The following PKN2 variants were observed in gnomAD, a reference collection of about 807,000 sequenced individuals.
PKN2 encodes the protein serine/threonine-protein kinase N2.
PKN2 carries 38 observed loss-of-function variants against 119.1 expected under a neutral mutation model. That is an observed-to-expected ratio of 0.32 (90% CI 0.25 to 0.42). The LOEUF is 0.42. Among genes scored for constraint, PKN2 ranks in the 10% least tolerant of loss-of-function variants. The pLI is 1.00. For synonymous variants in PKN2, 390 were observed against 384.9 expected (o/e 1.01, Z -0.15); for missense variants, 850 against 1,165.1 (o/e 0.73, Z 3.94).
intron 8 of PKN2, among the ~76,000 whole-genome samples, chr1:88,787,870 C>G (rs1670646873): frequency 1.3e-5 from 2 of 152,296 alleles, no homozygotes; most frequent in Admixed American, 6.5e-5. Flanking sequence ...TTGGCAGAAA[C>G]CACATTCCCT....
intron 8 of PKN2, among the ~76,000 whole-genome samples, chr1:88,800,649 C>T (rs966396005): frequency 4.6e-5 from 7 of 152,182 alleles, no homozygotes; most frequent in African/African-American, 1.7e-4. Context: ...CCCAGGGCTC[C>T]TCAGTGAACA....
chr1:88,763,234 A>G (rs1368870819), intron 3 of PKN2, among the ~76,000 whole-genome samples: 4 of 152,224 alleles, frequency 2.6e-5, no homozygotes, highest in Admixed American at 2.6e-4. Flanking sequence ...TGATTACCTT[A>G]AAAGATAGAT....
intron 1 of PKN2, among the ~76,000 whole-genome samples, chr1:88,737,220 G>T (rs971072520): frequency 1.3e-5 from 2 of 152,190 alleles, no homozygotes; most frequent in African/African-American, 4.8e-5. Flanking sequence ...TGCTGCTGAG[G>T]TTTATTTGTG....
chr1:88,686,718 T>A (rs534478574), intron 1 of PKN2, among the ~76,000 whole-genome samples: 1 of 152,230 alleles, frequency 6.6e-6, no homozygotes, highest in Admixed American at 6.5e-5. Context: ...AGATAAATAG[T>A]CATAAAGTTT....
At chr1:88,748,628 CAT>C (rs1176437718) in intron 2 of PKN2, among the ~76,000 whole-genome samples, 1 of 152,118 alleles carries the variant, frequency 6.6e-6, no homozygotes, top group Admixed American at 6.6e-5. Context: ...CATGTGGTAA[CAT>C]ATGTTTAACA....
At chr1:88,736,435 C>T (rs1426365596) in intron 1 of PKN2, among the ~76,000 whole-genome samples, 1 of 152,042 alleles carries the variant, frequency 6.6e-6, no homozygotes, top group Non-Finnish European at 1.5e-5. Context: ...ATGATCTCGG[C>T]TCTCTGCAGC....
At chr1:88,722,095 A>C (rs1000866544) in intron 1 of PKN2, among the ~76,000 whole-genome samples, 1 of 152,222 alleles carries the variant, frequency 6.6e-6, no homozygotes, top group African/African-American at 2.4e-5. Flanking sequence ...TACTTGTCTC[A>C]TGATAATGAG....
chr1:88,824,208 A>G, intron 17 of PKN2, 102 bp from the exon 18 acceptor site: 1 of 605,904 alleles, frequency 1.7e-6, no homozygotes, highest in Non-Finnish European at 2.9e-6. Context: ...CATTTTTAAT[A>G]AAGAGAAAAC....
At position 88,805,910 on chromosome 1, in the gene PKN2, T is replaced by A; in HGVS notation, c.1696T>A (p.Leu566Met). 1 of 1,614,090 alleles carries A rather than the reference T, an allele frequency of 6.2e-7. No homozygotes were observed. The highest frequency in any genetic ancestry group is 8.5e-7 in the Non-Finnish European group (1 of 1,179,946). The change falls in exon 12 of 22, where the codon TTG becomes ATG. Residue 566 changes from leucine to methionine, a missense_variant. Leu to Met is a conservative substitution (Grantham distance 15). Around this residue, in one of 9 missense-constraint regions of PKN2, gnomAD observed 216 missense variants for 252.8 expected, o/e 0.85. Transcript: ENST00000370521. Reference protein sequence around the residue: ...PPASDSTVTKLDFDLEPEPPP... With the variant: ...PPASDSTVTKMDFDLEPEPPP... ...TATAAGTGATTCTACAGTAACCAAA[T>A]TGGACTTTGATCTTGAGCCTGAACC...
intron 13 of PKN2, 26 bp downstream of exon 13, chr1:88,807,469 GAC>G: frequency 6.2e-7 from 1 of 1,605,428 alleles, no homozygotes; most frequent in Non-Finnish European, 8.5e-7. Flanking sequence ...CAAATTTTGC[GAC>G]TACATGTTTG....
chr1:88,800,077 G>A (rs997706221), intron 8 of PKN2, among the ~76,000 whole-genome samples: 3 of 152,070 alleles, frequency 2.0e-5, no homozygotes, highest in Non-Finnish European at 4.4e-5. Flanking sequence ...TTTGGCGGTG[G>A]AGCCTGGTTC....
intron 6 of PKN2, among the ~76,000 whole-genome samples, chr1:88,784,132 C>CT (rs397862410): frequency 0.079 from 8,224 of 103,780 alleles, 440 homozygotes; most frequent in African/African-American, 0.12. Context: ...GATGCTGTTC[C>CT]TTTTTTTTTT....
At chr1:88,774,128 A>G (rs957500514) in intron 6 of PKN2, among the ~76,000 whole-genome samples, 1 of 152,132 alleles carries the variant, frequency 6.6e-6, no homozygotes, top group Non-Finnish European at 1.5e-5. Context: ...AAATAAACAT[A>G]AAGGGGGAGA....
intron 2 of PKN2, among the ~76,000 whole-genome samples, chr1:88,747,295 G>C (rs577480052): frequency 2.0e-5 from 3 of 152,186 alleles, no homozygotes; most frequent in African/African-American, 7.2e-5. Flanking sequence ...AATATTTGAG[G>C]TGATAGATAC....
At chr1:88,805,008 G>C (rs1671480063) in intron 10 of PKN2, 87 bp downstream of exon 10, 1 of 631,916 alleles carries the variant, frequency 1.6e-6, no homozygotes, top group Non-Finnish European at 2.8e-6. Context: ...CATCTGTGTG[G>C]GTTTTTTTGT....
chr1:88,814,264 T>G (rs1671896156), intron 16 of PKN2, among the ~76,000 whole-genome samples: 1 of 152,198 alleles, frequency 6.6e-6, no homozygotes, highest in Admixed American at 6.5e-5. Flanking sequence ...AAAAGCAGAC[T>G]TTTCATTGTA....
In PKN2 at chr1:88,705,362, T is replaced by G. The variant is rs965350057; in HGVS notation, c.48+20734T>G. Among the ~76,000 whole-genome samples the G allele has an allele frequency of 3.3e-5, 5 of 152,120 alleles. No individual in the cohort carries two copies. The East Asian group carries it at 9.6e-4, about 29-fold the overall frequency. ...CAGGTGTTGATCAAAGTTCATATTT[T>G]TCATATGGACATATTTGTTTCAGCA... On this transcript the variant is annotated intron_variant, in intron 1 of 21. Coordinates refer to ENST00000370521, the MANE Select transcript of PKN2 (RefSeq NM_006256.4).
intron 6 of PKN2, among the ~76,000 whole-genome samples, chr1:88,779,816 T>A (rs1213545736): frequency 6.6e-6 from 1 of 152,250 alleles, no homozygotes; most frequent in Non-Finnish European, 1.5e-5. Flanking sequence ...TAAACTTCGC[T>A]GTTGCCACTA....
chr1:88,705,423 G>A (rs1194192347), intron 1 of PKN2, among the ~76,000 whole-genome samples: 10 of 151,982 alleles, frequency 6.6e-5, no homozygotes, highest in South Asian at 2.1e-4. Flanking sequence ...GGCTGGGCAC[G>A]GTGGTGCACA....
Sources: allele counts gnomAD v4.1 joint callset (sites outside exome capture counted in the v4.1 genomes callset), GRCh38; gene constraint gnomAD v4.1.1; regional missense constraint gnomAD v4.1.1; transcripts MANE v1.5; gene names NCBI Gene and HGNC (gene_info 2026-07-23, HGNC 2026-07-21).